Variants in MATR3 observed in about 807,000 individuals in gnomAD.
The protein encoded by MATR3 is matrin 3.
Under a neutral mutation model 85.5 loss-of-function variants are expected in MATR3, and 4 were observed. The observed-to-expected ratio is 0.05, with a 90% CI of 0.02 to 0.11. The LOEUF (loss-of-function observed/expected upper bound fraction) is 0.11, where lower values mean the gene tolerates loss of function less well. Among genes scored for constraint, MATR3 ranks in the 10% least tolerant of loss-of-function variants. MATR3 has a pLI of 1.00. For missense variants in MATR3, 685 were observed against 1,016.1 expected, an observed-to-expected ratio of 0.67 and a Z score of 4.43; for synonymous variants, 336 against 343.1, an observed-to-expected ratio of 0.98 and a Z score of 0.23.
At chr5:139,317,763 C>G (rs1322573498) in intron 7 of MATR3, 42 bp downstream of exon 7, 1 of 1,476,278 alleles carries the variant, frequency 6.8e-7, no homozygotes, top group Non-Finnish European at 9.3e-7. Flanking sequence ...ATTCATGCCA[C>G]TAATATATGT....
intron 6 of MATR3, 27 bp downstream of exon 6, chr5:139,317,132 T>C (rs938482740): frequency 1.9e-6 from 3 of 1,604,794 alleles, no homozygotes; most frequent in Non-Finnish European, 2.6e-6. Flanking sequence ...TTGGTTTTAC[T>C]GTATTTATGA....
intron 14 of MATR3, among the ~76,000 whole-genome samples, chr5:139,327,058 C>G (rs1755887705): frequency 6.6e-6 from 1 of 152,084 alleles, no homozygotes; most frequent in Non-Finnish European, 1.5e-5. Flanking sequence ...AGAATAATTC[C>G]TATTGAGATA....
chr5:139,331,097 C>G lies in MATR3; in HGVS notation c.*1702C>G, dbSNP rs1354136329. On this transcript the variant is annotated 3_prime_UTR_variant, in exon 15 of 15. Transcript: ENST00000394805. ...TGAGCCACCATCCCTGGCCAAGAAA[C>G]AAAGTTTTAATTTCAAAAAAATCTA... 2.2e-6 allele frequency: 1 copy of G among 453,828 alleles called. No individual in the cohort carries two copies. The highest frequency in any genetic ancestry group is 2.0e-5 in the African/African-American group (1 of 49,974). The allele number at this position is 453,828 out of a possible 1,614,324, so 28.1% of individuals were successfully genotyped here.
At chr5:139,295,064 AAT>A (rs1391306338) in intron 1 of MATR3, 1 of 152,204 alleles carries the variant, frequency 6.6e-6, no homozygotes, top group African/African-American at 2.4e-5. Flanking sequence ...AAGATTTCTG[AAT>A]AGTCGGTAAA....
At chr5:139,319,984 A>G (rs1755468728) in intron 9 of MATR3, among the ~76,000 whole-genome samples, 2 of 140,878 alleles carry the variant, frequency 1.4e-5, no homozygotes, top group Admixed American at 1.5e-4. Context: ...TCAAAAATTA[A>G]TATTTCATAC....
intron 1 of MATR3, among the ~76,000 whole-genome samples, chr5:139,297,545 A>G (rs932137297): frequency 1.3e-5 from 2 of 152,242 alleles, no homozygotes; most frequent in Admixed American, 1.3e-4. Context: ...TATAAGTGTT[A>G]GGTTTTAACG....
rs1246124828 is a variant in MATR3, at chr5:139,329,704, A to G, written c.*309A>G. On this transcript the variant is annotated 3_prime_UTR_variant, in exon 15 of 15. Coordinates refer to ENST00000394805, the MANE Select transcript of MATR3 (RefSeq NM_018834.6). ...AAAAAATGTAGAACCATTTGGAAAA[A>G]TGAAATTTAGTAGTTCCAAGTTTCA... The G allele has an allele frequency of 1.7e-5, 8 of 466,080 alleles. No homozygotes were observed. Among genetic ancestry groups the G allele is most frequent in the Non-Finnish European group, 3.4e-5 (8 of 235,316 alleles). 28.9% of individuals were successfully genotyped at this position (466,080 alleles called of 1,614,324 possible). A position where few individuals can be genotyped will look rare whatever the true frequency, so the allele number is the denominator to read the frequency against.
At chr5:139,314,100 A>C (rs1309096290) in intron 2 of MATR3, 1 of 154,914 alleles carries the variant, frequency 6.5e-6, no homozygotes, top group Non-Finnish European at 1.4e-5. Flanking sequence ...TATTTTTTGT[A>C]GAGATGGGGT....
intron 10 of MATR3, 24 bp from the exon 11 acceptor site, chr5:139,322,438 CT>C: frequency 6.2e-7 from 1 of 1,602,200 alleles, no homozygotes; most frequent in Non-Finnish European, 8.6e-7. Context: ...AATGTGTTAA[CT>C]TCTGCAAAAC....
intron 3 of MATR3, chr5:139,280,670 A>G (rs943773884): frequency 6.6e-6 from 1 of 152,214 alleles, no homozygotes; most frequent in Non-Finnish European, 1.5e-5. Context: ...CTGAGTTGGT[A>G]AAACCGAAAT....
Position 139,322,736 on chromosome 5 carries a change from A to G in MATR3, c.1917A>G (p.Thr639=), listed in dbSNP as rs147164878. The G allele has an allele frequency of 1.5e-5, 24 of 1,614,066 alleles. No individual in the cohort carries two copies. Among genetic ancestry groups the G allele is most frequent in the Non-Finnish European group, 1.7e-6 (2 of 1,180,050 alleles). The change falls in exon 12 of 15, where the codon ACA becomes ACG. Residue 639 remains threonine, a synonymous_variant. Transcript: ENST00000394805. ...EKSGEDGEKD[T]KDDQTEQEPN... The stretch of plus-strand genomic sequence containing the variant: ...CCGGTGAAGATGGTGAGAAAGACAC[A>G]AAGGATGACCAGACAGAGCAGGAAC...
At chr5:139,294,194 G>C (rs1055105669) in intron 1 of MATR3, 8 of 582,690 alleles carry the variant, frequency 1.4e-5, no homozygotes, top group Non-Finnish European at 2.1e-5. Context: ...CGGCGCTGAG[G>C]GGGAGGGAGG....
intron 9 of MATR3, among the ~76,000 whole-genome samples, chr5:139,320,743 CTTTTT>C (rs1175972721): frequency 4.9e-5 from 5 of 102,420 alleles, no homozygotes; most frequent in Non-Finnish European, 5.4e-5. Context: ...AAGCTTATTA[CTTTTT>C]TTTTTTTTTT....
chr5:139,281,961 A>C (rs752743204), intron 3 of MATR3, among the ~76,000 whole-genome samples: 1 of 152,332 alleles, frequency 6.6e-6, no homozygotes, highest in African/African-American at 2.4e-5. Context: ...GGTTGAAACA[A>C]ACTAGTGTCA....
At position 139,304,563 on chromosome 5, in the gene MATR3, T is replaced by G. The variant is rs138586054; in HGVS notation, c.-177-2676T>G. 1.1e-3 allele frequency among the ~76,000 whole-genome samples: 171 copies of G among 152,128 alleles called. No individual in the cohort carries two copies. The East Asian group carries it at 0.03, about 27-fold the overall frequency. On this transcript the variant is annotated intron_variant, in intron 1 of 14. Transcript: ENST00000394805. ...GTAAATGGCATTTGTGTAGTGAAAT[T>G]GTGGGTAATGTTGATAGTTTTTAGG...
chr5:139,299,586 G>T (rs1469449491), intron 1 of MATR3, among the ~76,000 whole-genome samples: 2 of 152,162 alleles, frequency 1.3e-5, no homozygotes, highest in Admixed American at 6.5e-5. Flanking sequence ...GATCACTTGA[G>T]CCCAAGAGAT....
At chr5:139,283,307 TATTA>T (rs1425342764) in intron 3 of MATR3, 1 of 152,216 alleles carries the variant, frequency 6.6e-6, no homozygotes. Context: ...TCCTTCTCAG[TATTA>T]ATTCTCCTGG....
At chr5:139,284,563 G>A (rs974845112) in intron 3 of MATR3, among the ~76,000 whole-genome samples, 17 of 151,884 alleles carry the variant, frequency 1.1e-4, no homozygotes, top group Middle Eastern at 3.4e-3. Context: ...AGCTGAGATC[G>A]TGCCACTGCA....
intron 12 of MATR3, 63 bp downstream of exon 12, chr5:139,323,030 T>G (rs1338548304): frequency 6.6e-7 from 1 of 1,525,294 alleles, no homozygotes; most frequent in Middle Eastern, 1.7e-4. Flanking sequence ...TTTCAAGTTA[T>G]TTACCTAAGC....
Sources: allele counts gnomAD v4.1 joint callset (sites outside exome capture counted in the v4.1 genomes callset), GRCh38; gene constraint gnomAD v4.1.1; transcripts MANE v1.5; gene names NCBI Gene and HGNC (gene_info 2026-07-23, HGNC 2026-07-21).